SCML4: variants seen among roughly 807,000 people sequenced by gnomAD.
The protein encoded by SCML4 is sex comb on midleg-like protein 4.
Under a neutral mutation model 41.1 loss-of-function variants are expected in SCML4, and 34 were observed. That is an observed-to-expected ratio of 0.83 (90% CI 0.63 to 1.10). The LOEUF (loss-of-function observed/expected upper bound fraction) is 1.10. SCML4 is among the 50% of genes least tolerant of loss of function. The pLI, the probability that SCML4 is intolerant of heterozygous loss-of-function variation, is 0.00. For missense variants in SCML4, 522 were observed against 534.1 expected (o/e 0.98, Z 0.22); for synonymous variants, 214 against 220.9 (o/e 0.97, Z 0.28).
the SCML4 span, among the ~76,000 whole-genome samples, chr6:107,838,038 C>T: frequency 2.0e-5 from 3 of 150,982 alleles, no homozygotes; most frequent in Admixed American, 6.6e-5. Context: ...CTCCTGAGTA[C>T]TTGGGATTAC....
At chr6:107,734,714 G>A (rs1344825283) in intron 5 of SCML4, among the ~76,000 whole-genome samples, 2 of 152,136 alleles carry the variant, frequency 1.3e-5, no homozygotes, top group Non-Finnish European at 2.9e-5. Flanking sequence ...CACATGGGGA[G>A]AATTAGGATG....
chr6:107,812,812 C>T (rs755820413), intron 1 of SCML4, among the ~76,000 whole-genome samples: 35 of 151,622 alleles, frequency 2.3e-4, no homozygotes, highest in Non-Finnish European at 3.8e-4. Flanking sequence ...TCACAGATCT[C>T]GGGACTTCTC....
chr6:107,803,511 G>A (rs1375933072), intron 1 of SCML4, among the ~76,000 whole-genome samples: 1 of 149,970 alleles, frequency 6.7e-6, no homozygotes, highest in Non-Finnish European at 1.5e-5. Flanking sequence ...GGGAAGTGAG[G>A]AGCCCCTCTG....
intron 1 of SCML4, among the ~76,000 whole-genome samples, chr6:107,805,697 C>T (rs1345490046): frequency 6.6e-6 from 1 of 152,210 alleles, no homozygotes; most frequent in African/African-American, 2.4e-5. Context: ...AATTTTCCAA[C>T]TTAGCTCAGC....
intron 1 of SCML4, among the ~76,000 whole-genome samples, chr6:107,774,699 A>G (rs2114577375): frequency 6.6e-6 from 1 of 152,250 alleles, no homozygotes; most frequent in East Asian, 1.9e-4. Flanking sequence ...CCTATCCAGT[A>G]ACATCAAGAT....
At chr6:107,793,575 G>A (rs79869903) in intron 1 of SCML4, among the ~76,000 whole-genome samples, 2 of 152,160 alleles carry the variant, frequency 1.3e-5, no homozygotes, top group Non-Finnish European at 2.9e-5. Context: ...TCTTTATAAG[G>A]TGAGAGTTGC....
intron 2 of SCML4, among the ~76,000 whole-genome samples, chr6:107,770,357 T>C (rs1269516878): frequency 6.6e-6 from 1 of 152,068 alleles, no homozygotes; most frequent in Non-Finnish European, 1.5e-5. Flanking sequence ...TTCAAATGGC[T>C]CTTGTTTTTC....
intron 1 of SCML4, among the ~76,000 whole-genome samples, chr6:107,781,669 C>CAAAAAAAA (rs549589428): frequency 1.0e-5 from 1 of 95,906 alleles, no homozygotes; most frequent in Non-Finnish European, 2.2e-5. Flanking sequence ...GACCCTGTCT[C>CAAAAAAAA]AAAAAAAAAA....
intron 6 of SCML4, among the ~76,000 whole-genome samples, chr6:107,712,652 C>T (rs993189958): frequency 6.6e-6 from 1 of 152,180 alleles, no homozygotes; most frequent in South Asian, 2.1e-4. Context: ...CTAAGTCACA[C>T]CTCGGGAGCT....
intron 2 of SCML4, among the ~76,000 whole-genome samples, chr6:107,771,314 T>C (rs1407763279): frequency 6.6e-6 from 1 of 152,230 alleles, no homozygotes; most frequent in East Asian, 1.9e-4. Flanking sequence ...GGTTTCAGTA[T>C]TCAGGTCTCA....
At chr6:107,763,300 G>A (rs1413123973) in intron 2 of SCML4, among the ~76,000 whole-genome samples, 2 of 151,982 alleles carry the variant, frequency 1.3e-5, no homozygotes, top group East Asian at 3.9e-4. Flanking sequence ...TGTGAAGGTA[G>A]TTGGAGGTGG....
At chr6:107,784,344 A>T (rs2114600753) in intron 1 of SCML4, among the ~76,000 whole-genome samples, 1 of 152,342 alleles carries the variant, frequency 6.6e-6, no homozygotes, top group South Asian at 2.1e-4. Flanking sequence ...TCTGCCACTG[A>T]TGTGGTCAGC....
chr6:107,793,325 T>A (rs1386072264), intron 1 of SCML4, among the ~76,000 whole-genome samples: 1 of 152,210 alleles, frequency 6.6e-6, no homozygotes, highest in South Asian at 2.1e-4. Flanking sequence ...CAACAAGAGC[T>A]AAATGAGATA....
At chr6:107,707,829 T>C (rs1270296631) in intron 7 of SCML4, 37 bp downstream of exon 7, 19 of 1,551,272 alleles carry the variant, frequency 1.2e-5, no homozygotes, top group Non-Finnish European at 1.5e-5. Context: ...GCCTGCTCCC[T>C]CAATCCCCCC....
chr6:107,754,564 G>A (rs936759313), intron 2 of SCML4, among the ~76,000 whole-genome samples: 1 of 152,154 alleles, frequency 6.6e-6, no homozygotes, highest in African/African-American at 2.4e-5. Flanking sequence ...GATAACCCTG[G>A]CTAAATCCTC....
chr6:107,839,406 AAAGAGG>A, the SCML4 span, among the ~76,000 whole-genome samples: 10 of 146,582 alleles, frequency 6.8e-5, no homozygotes, highest in African/African-American at 2.4e-4. Flanking sequence ...AGAAAGAAAG[AAAGAGG>A]AAGAAGAGAG....
At chr6:107,830,145 T>G in the SCML4 span, among the ~76,000 whole-genome samples, 1 of 152,176 alleles carries the variant, frequency 6.6e-6, no homozygotes, top group East Asian at 1.9e-4. Flanking sequence ...TCAGAGCTGA[T>G]AATACTCTGT....
intron 6 of SCML4, among the ~76,000 whole-genome samples, chr6:107,714,973 C>A (rs1369659132): frequency 1.1e-4 from 10 of 90,046 alleles, no homozygotes; most frequent in African/African-American, 3.5e-4. Flanking sequence ...TGCACAAACC[C>A]TTTATTTTTT....
chr6:107,746,955 T>A (rs965685934), intron 3 of SCML4, 66 bp from the exon 4 acceptor site: 9 of 1,377,510 alleles, frequency 6.5e-6, no homozygotes, highest in Non-Finnish European at 8.0e-6. Context: ...GCGGCCTCTG[T>A]GTACACGGGG....
Sources: gnomAD v4.1 joint callset for allele counts (sites outside exome capture counted in the v4.1 genomes callset) on GRCh38, gnomAD v4.1.1 for gene constraint, MANE v1.5 for transcripts, NCBI Gene and HGNC (gene_info 2026-07-23, HGNC 2026-07-21) for gene names.